The following CMC1 variants were observed in gnomAD, a reference collection of about 807,000 sequenced individuals.
The protein encoded by CMC1 is COX assembly mitochondrial protein homolog.
A neutral mutation model predicts 14.1 loss-of-function variants in CMC1; 14 were observed. That is an observed-to-expected ratio of 0.99 (90% CI 0.66 to 1.55). The LOEUF (loss-of-function observed/expected upper bound fraction) is 1.55. Among genes scored for constraint, CMC1 ranks in the 40% most tolerant of loss-of-function variants. The pLI is 0.00. For missense variants in CMC1, 127 were observed against 123.8 expected, an observed-to-expected ratio of 1.03 and a Z score of -0.12; for synonymous variants, 50 against 38.4, an observed-to-expected ratio of 1.30 and a Z score of -1.12.
At chr3:28,251,748 A>G (rs965944443) in intron 1 of CMC1, among the ~76,000 whole-genome samples, 2 of 152,342 alleles carry the variant, frequency 1.3e-5, no homozygotes, top group East Asian at 1.9e-4. Context: ...AAGAAGAACC[A>G]GTAGTAACAT....
chr3:28,268,165 T>G (rs944657901), intron 2 of CMC1, among the ~76,000 whole-genome samples: 3 of 152,188 alleles, frequency 2.0e-5, no homozygotes, highest in South Asian at 2.1e-4. Context: ...CTGAACTATC[T>G]CATGGGTTCC....
chr3:28,286,465 T>C (rs1701186196), intron 2 of CMC1, among the ~76,000 whole-genome samples: 1 of 152,240 alleles, frequency 6.6e-6, no homozygotes, highest in South Asian at 2.1e-4. Context: ...TTATATTAAA[T>C]AGACTTGTTA....
intron 2 of CMC1, among the ~76,000 whole-genome samples, chr3:28,314,324 C>G (rs1702783763): frequency 6.6e-6 from 1 of 152,176 alleles, no homozygotes; most frequent in African/African-American, 2.4e-5. Context: ...TGAAAATGAG[C>G]TGGCTATAAG....
intron 1 of CMC1, among the ~76,000 whole-genome samples, chr3:28,250,739 A>G (rs1368013036): frequency 6.6e-6 from 1 of 152,194 alleles, no homozygotes; most frequent in Non-Finnish European, 1.5e-5. Flanking sequence ...AAATGTGGAA[A>G]GTTGGAGATG....
At chr3:28,245,984 C>T (rs1698805982) in intron 1 of CMC1, among the ~76,000 whole-genome samples, 1 of 151,874 alleles carries the variant, frequency 6.6e-6, no homozygotes, top group African/African-American at 2.4e-5. Flanking sequence ...TTCACCATGT[C>T]GCTTAGGCTG....
chr3:28,319,540 A>C lies in CMC1; in HGVS notation c.232A>C (p.Lys78Gln). Residue 78 changes from lysine to glutamine, a missense_variant, in exon 4 of 4, where the codon AAA (lysine) becomes CAA (glutamine). Physicochemically the swap from Lys to Gln is moderately conservative, Grantham distance 53. Transcript: ENST00000466830. ...YNDPAFYEECKMEYLKEREEF... is the reference protein window; with the variant it reads ...YNDPAFYEECQMEYLKEREEF... Reference sequence around the variant, plus strand: ...TGATCCAGCCTTTTATGAAGAATGCAAAATGGAATACCTGAAGGAAAGGGA... The same window carrying C: ...TGATCCAGCCTTTTATGAAGAATGCCAAATGGAATACCTGAAGGAAAGGGA... 1 of 1,605,834 alleles carries C rather than the reference A, an allele frequency of 6.2e-7. No homozygotes were observed. Among genetic ancestry groups the C allele is most frequent in the Non-Finnish European group, 8.5e-7 (1 of 1,174,632 alleles).
intron 1 of CMC1, 155 bp downstream of exon 1, chr3:28,241,967 G>T: frequency 1.5e-6 from 1 of 652,424 alleles, no homozygotes; most frequent in Non-Finnish European, 2.2e-6. Flanking sequence ...GCTTCGCCCG[G>T]TCTGAGGTCA....
intron 1 of CMC1, among the ~76,000 whole-genome samples, chr3:28,251,263 C>G (rs1047348870): frequency 6.6e-6 from 1 of 152,124 alleles, no homozygotes; most frequent in African/African-American, 2.4e-5. Context: ...AGGGACCAAA[C>G]GTGAGAGGTG....
At chr3:28,252,850 T>A (rs189119156) in intron 1 of CMC1, among the ~76,000 whole-genome samples, 11 of 152,326 alleles carry the variant, frequency 7.2e-5, no homozygotes, top group African/African-American at 2.6e-4. Flanking sequence ...TCAAAATACT[T>A]ACCTGAGAGA....
chr3:28,273,507 GT>G (rs2125493911), intron 2 of CMC1, among the ~76,000 whole-genome samples: 1 of 152,252 alleles, frequency 6.6e-6, no homozygotes, highest in East Asian at 1.9e-4. Flanking sequence ...GCTAAGGAGT[GT>G]TTTACTTCCC....
At chr3:28,299,355 T>G (rs759150380) in intron 2 of CMC1, among the ~76,000 whole-genome samples, 9 of 152,270 alleles carry the variant, frequency 5.9e-5, no homozygotes, top group Non-Finnish European at 1.2e-4. Context: ...CAGCCTGATC[T>G]TAATCAGGTG....
chr3:28,294,457 T>C (rs1282872764), intron 2 of CMC1: 3 of 975,438 alleles, frequency 3.1e-6, no homozygotes, highest in Non-Finnish European at 2.4e-6. Context: ...TTGTGAAACA[T>C]TGCAGATGTT....
At chr3:28,315,510 G>A (rs1702851065) in intron 2 of CMC1, among the ~76,000 whole-genome samples, 1 of 152,150 alleles carries the variant, frequency 6.6e-6, no homozygotes, top group South Asian at 2.1e-4. Flanking sequence ...CTGCCATCAG[G>A]TGGGAATCCA....
intron 2 of CMC1, among the ~76,000 whole-genome samples, 163 bp downstream of exon 2, chr3:28,263,543 A>G (rs1374385973): frequency 6.6e-6 from 1 of 152,134 alleles, no homozygotes; most frequent in East Asian, 1.9e-4. Context: ...ACTTCCAGTG[A>G]TGTTCAATTC....
chr3:28,274,540 T>A (rs2125498103), intron 2 of CMC1, among the ~76,000 whole-genome samples: 1 of 152,224 alleles, frequency 6.6e-6, no homozygotes, highest in East Asian at 1.9e-4. Flanking sequence ...TGGCTGCTCG[T>A]AATATTTTTC....
intron 2 of CMC1, among the ~76,000 whole-genome samples, chr3:28,283,187 C>A (rs1700983616): frequency 6.6e-6 from 1 of 152,018 alleles, no homozygotes; most frequent in Non-Finnish European, 1.5e-5. Context: ...AGCTTTAGGT[C>A]AAACCATGGG....
chr3:28,321,342 TTTGA>T lies in CMC1; in HGVS notation c.*1716_*1719del, dbSNP rs747937698. 2 of 151,490 alleles carry T rather than the reference TTTGA, an allele frequency of 1.3e-5. No individual in the cohort carries two copies. Among genetic ancestry groups the T allele is most frequent in the South Asian group, 4.1e-4 (2 of 4,832 alleles). The allele number at this position is 151,490 out of a possible 1,614,324, so 9.4% of individuals were successfully genotyped here. ...TGAAATATACAATCTATTTTATAGCTTTGATTAAAATCAGAAGTAGCCCACTTCA... is the reference window on the plus strand; with the variant it reads ...TGAAATATACAATCTATTTTATAGCTTTAAAATCAGAAGTAGCCCACTTCA... On this transcript the variant is annotated 3_prime_UTR_variant, in exon 4 of 4. Coordinates refer to ENST00000466830, the MANE Select transcript of CMC1 (RefSeq NM_182523.2).
intron 2 of CMC1, among the ~76,000 whole-genome samples, chr3:28,268,006 G>A (rs1700093607): frequency 6.6e-6 from 1 of 152,154 alleles, no homozygotes; most frequent in South Asian, 2.1e-4. Context: ...ATGCTGAAGT[G>A]GATATGCAAC....
chr3:28,308,333 G>A (rs1702442351), intron 2 of CMC1, among the ~76,000 whole-genome samples: 1 of 151,782 alleles, frequency 6.6e-6, no homozygotes, highest in Admixed American at 6.6e-5. Flanking sequence ...ACAATACATT[G>A]AGCAATATAG....
Sources: allele counts gnomAD v4.1 joint callset (sites outside exome capture counted in the v4.1 genomes callset), GRCh38; gene constraint gnomAD v4.1.1; transcripts MANE v1.5; gene names NCBI Gene and HGNC (gene_info 2026-07-23, HGNC 2026-07-21).